Variants in DUSP7 observed in about 807,000 individuals in gnomAD.
DUSP7 encodes dual specificity phosphatase 7.
A neutral mutation model predicts 29.8 loss-of-function variants in DUSP7; 7 were observed. The ratio of observed to expected loss-of-function variants is 0.24; its 90% CI spans 0.13 to 0.44. The LOEUF (loss-of-function observed/expected upper bound fraction) is 0.44, where lower values mean the gene tolerates loss of function less well. Among genes scored for constraint, DUSP7 ranks in the 20% least tolerant of loss-of-function variants. The pLI, the probability that DUSP7 is intolerant of heterozygous loss-of-function variation, is 1.00. For missense variants in DUSP7, 400 were observed against 583.7 expected (o/e 0.69, Z 3.24); for synonymous variants, 287 against 275.4 (o/e 1.04, Z -0.42).
chr3:52,055,800 G>A (rs756631542), intron 1 of DUSP7, 50 bp downstream of exon 1: 3 of 1,477,396 alleles, frequency 2.0e-6, no homozygotes, highest in Non-Finnish European at 1.8e-6. Context: ...GGGCGTCAGG[G>A]AGTCGCGGGG....
In DUSP7 at chr3:52,053,895, C is replaced by G. The variant is rs1313940803; in HGVS notation, c.952+45G>C. ...GGGGCGCCACCCAGAGTCCTGCATA[C>G]ACCTTGATGCACCCACACCCCCCTG... On this transcript the variant is annotated intron_variant, in intron 2 of 2. Coordinates refer to ENST00000495880, the MANE Select transcript of DUSP7 (RefSeq NM_001947.4). This position sits in a 1 kb window ranked among gnomAD's most constrained non-coding sequence, Gnocchi z 4.6. The G allele has an allele frequency of 6.2e-7, 1 of 1,609,468 alleles. No individual in the cohort carries two copies. The highest frequency in any genetic ancestry group is 8.5e-7 in the Non-Finnish European group (1 of 1,176,110).
chr3:52,050,634 T>C lies in DUSP7; in HGVS notation c.*181A>G. 2.7e-6 allele frequency: 2 copies of C among 730,918 alleles called. No homozygotes were observed. Among genetic ancestry groups the C allele is most frequent in the Non-Finnish European group, 4.3e-6 (2 of 463,174 alleles). The allele number at this position is 730,918 out of a possible 1,614,324, so 45.3% of individuals were successfully genotyped here. ...CAGCAAGCCCTGCAGTGGGAGACCT[T>C]GCCTGCGGGCCCTGCCCCCAAGGAT... On this transcript the variant is annotated 3_prime_UTR_variant, in exon 3 of 3. Coordinates refer to ENST00000495880, the MANE Select transcript of DUSP7 (RefSeq NM_001947.4). This position sits in a 1 kb window ranked among gnomAD's most constrained non-coding sequence, Gnocchi z 5.0.
In DUSP7 at chr3:52,053,591, C is replaced by A; in HGVS notation, c.952+349G>T. On this transcript the variant is annotated intron_variant, in intron 2 of 2. Coordinates refer to ENST00000495880, the MANE Select transcript of DUSP7 (RefSeq NM_001947.4). This position sits in a 1 kb window ranked among gnomAD's most constrained non-coding sequence, Gnocchi z 4.6. ...ACGTGTGCTGAGGCGTGATGCGGAG[C>A]AAGTGAGACCCGTGGGAGGTCTGTG... is the stretch of plus-strand genomic sequence containing the variant. 1 of 325,064 alleles carries A rather than the reference C, an allele frequency of 3.1e-6. No individual in the cohort carries two copies. Among genetic ancestry groups the A allele is most frequent in the Non-Finnish European group, 5.9e-6 (1 of 170,318 alleles). The allele number at this position is 325,064 out of a possible 1,614,324, so 20.1% of individuals were successfully genotyped here.
chr3:52,054,186 G>A lies in DUSP7; in HGVS notation c.706C>T (p.Pro236Ser), dbSNP rs1325134831. 1 of 1,613,578 alleles carries A rather than the reference G, an allele frequency of 6.2e-7. No homozygotes were observed. The highest frequency in any genetic ancestry group is 8.5e-7 in the Non-Finnish European group (1 of 1,179,676). ...PSSATESDGS[P>S]VPSSQPAFPV... ...AAGGCTGGTTGGCTGGATGGCACAG[G>A]GCTGCCGTCTGACTCGGTGGCACTG... The change falls in exon 2 of 3, where the codon CCT becomes TCT. Residue 236 changes from proline (P) to serine (S), a missense_variant. Around this residue, in one of 4 missense-constraint regions of DUSP7, gnomAD observed 223 missense variants for 360.9 expected, o/e 0.62. Coordinates refer to ENST00000495880, the MANE Select transcript of DUSP7 (RefSeq NM_001947.4). The surrounding 1 kb of genome is among the most constrained non-coding windows in gnomAD (Gnocchi z 4.1).
Position 52,054,046 on chromosome 3 carries a change from G to T in DUSP7, c.846C>A (p.Pro282=). The change falls in exon 2 of 3, where the codon CCC becomes CCA. Residue 282 remains proline (P), a synonymous_variant. Coordinates refer to ENST00000495880, the MANE Select transcript of DUSP7 (RefSeq NM_001947.4). This position sits in a 1 kb window ranked among gnomAD's most constrained non-coding sequence, Gnocchi z 4.1. Reference sequence around the variant, plus strand: ...ACTCGCCGCCGTGCTCGAAGGCGTTGGGTAGGTTGGGTGTGACATTGAGGA... The same window carrying T: ...ACTCGCCGCCGTGCTCGAAGGCGTTTGGTAGGTTGGGTGTGACATTGAGGA... ...KYILNVTPNL[P]NAFEHGGEFT... 2 of 1,614,222 alleles carry T rather than the reference G, an allele frequency of 1.2e-6. No individual in the cohort carries two copies. Among genetic ancestry groups the T allele is most frequent in the East Asian group, 4.5e-5 (2 of 44,882 alleles).
At position 52,053,391 on chromosome 3, in the gene DUSP7, C is replaced by A; in HGVS notation, c.952+549G>T. On this transcript the variant is annotated intron_variant, in intron 2 of 2. Coordinates refer to ENST00000495880, the MANE Select transcript of DUSP7 (RefSeq NM_001947.4). The surrounding 1 kb of genome is among the most constrained non-coding windows in gnomAD (Gnocchi z 4.6). Reference sequence around the variant, plus strand: ...CTTCTCTTGCACTCCTCCCTACACTCCAAGCAAGCCCTACAGGCTGCAGAG... The same window carrying A: ...CTTCTCTTGCACTCCTCCCTACACTACAAGCAAGCCCTACAGGCTGCAGAG... The A allele has an allele frequency of 5.7e-6, 1 of 176,132 alleles. No individual in the cohort carries two copies. Among genetic ancestry groups the A allele is most frequent in the Non-Finnish European group, 1.2e-5 (1 of 80,780 alleles). The allele number at this position is 176,132 out of a possible 1,614,324, so 10.9% of individuals were successfully genotyped here.
Position 52,055,863 on chromosome 3 carries a change from G to C in DUSP7, c.504C>G (p.Ala168=), listed in dbSNP as rs775591864. 1.2e-4 allele frequency: 186 copies of C among 1,569,372 alleles called. 1 individual carries two copies. The highest frequency in any genetic ancestry group is 1.2e-4 in the Non-Finnish European group (135 of 1,158,644). The part of the protein sequence containing the change: ...LQKLRDDGCQ[A]YYLQGGFNKF... ...TGCCGCCCTCACCTTGGAGGTAGTA[G>C]GCCTGGCAGCCGTCGTCGCGCAGCT... is the stretch of plus-strand genomic sequence containing the variant. Residue 168 remains alanine, a synonymous_variant, in exon 1 of 3, where the codon GCC becomes GCG. Transcript: ENST00000495880.
rs1216470957 is a variant in DUSP7, at chr3:52,054,966, G to GC, written c.518-593dup. On this transcript the variant is annotated intron_variant, in intron 1 of 2. Transcript: ENST00000495880. This position sits in a 1 kb window ranked among gnomAD's most constrained non-coding sequence, Gnocchi z 4.1. Reference sequence around the variant, plus strand: ...TGGCTGGCCCCTTCCCCCAGCAGGGGCAGGTTTTTGAAGGGGGTCCTGGCT... The same window carrying GC: ...TGGCTGGCCCCTTCCCCCAGCAGGGGCCAGGTTTTTGAAGGGGGTCCTGGCT... 6.6e-6 allele frequency among the ~76,000 whole-genome samples: 1 copy of GC among 152,202 alleles called. No individual in the cohort carries two copies. Among genetic ancestry groups the GC allele is most frequent in the African/African-American group, 2.4e-5 (1 of 41,440 alleles).
In DUSP7 at chr3:52,054,348, A is replaced by C; in HGVS notation, c.544T>G (p.Tyr182Asp). ...ACGTTGGTCTCGCAGTGCTCAGAGT[A>C]CTCTGTTTGAAACTTGTTGAAACCA... ...QGGFNKFQTE[Y>D]SEHCETNVDS... is the part of the protein sequence containing the mutation. The change falls in exon 2 of 3, where the codon TAC (tyrosine) becomes GAC (aspartate). Residue 182 changes from tyrosine (Y) to aspartate (D), a missense_variant. Transcript: ENST00000495880. The surrounding 1 kb of genome is among the most constrained non-coding windows in gnomAD (Gnocchi z 4.1). 1 of 1,535,922 alleles carries C rather than the reference A, an allele frequency of 6.5e-7. No homozygotes were observed. Among genetic ancestry groups the C allele is most frequent in the Non-Finnish European group, 8.8e-7 (1 of 1,141,462 alleles).
rs1043177903 is a variant in DUSP7 at position 52,053,079 on chromosome 3, C to T, written c.952+861G>A. On this transcript the variant is annotated intron_variant, in intron 2 of 2. Transcript: ENST00000495880. The surrounding 1 kb of genome is among the most constrained non-coding windows in gnomAD (Gnocchi z 4.6). ...GCCCTCCACTGGACACAGCCACCAT[C>T]GGGAAAAGACAGCCCGGGCCACCCC... 4.6e-5 allele frequency: 7 copies of T among 152,392 alleles called. No individual in the cohort carries two copies. The highest frequency in any genetic ancestry group is 8.8e-5 in the Non-Finnish European group (6 of 68,170). 9.4% of individuals were successfully genotyped at this position (152,392 alleles called of 1,614,324 possible).
chr3:52,055,251 C>T (rs1364076179), intron 1 of DUSP7, among the ~76,000 whole-genome samples: 1 of 151,628 alleles, frequency 6.6e-6, no homozygotes, highest in African/African-American at 2.4e-5. Flanking sequence ...CTCCCTTCTG[C>T]AAGCTCCGGG....
At position 52,051,110 on chromosome 3, in the gene DUSP7, G is replaced by C. The variant is rs775974713; in HGVS notation, c.965C>G (p.Ser322Cys). ...EAISFIDEAR[S>C]KKCGVLVHCL... Reference sequence around the variant, plus strand: ...GTGCACCAGGACACCACACTTCTTGGAGCGGGCTTCGTCTGAAACACATTG... The same window carrying C: ...GTGCACCAGGACACCACACTTCTTGCAGCGGGCTTCGTCTGAAACACATTG... The change falls in exon 3 of 3, where the codon TCC becomes TGC. Residue 322 changes from serine to cysteine, a missense_variant. Physicochemically the swap from Ser to Cys is moderately radical, Grantham distance 112 (BLOSUM62 -1). Transcript: ENST00000495880. This position sits in a 1 kb window ranked among gnomAD's most constrained non-coding sequence, Gnocchi z 4.8. The C allele has an allele frequency of 1.9e-6, 3 of 1,608,558 alleles. No individual in the cohort carries two copies. The highest frequency in any genetic ancestry group is 2.5e-6 in the Non-Finnish European group (3 of 1,177,656).
intron 1 of DUSP7, among the ~76,000 whole-genome samples, chr3:52,055,201 G>A (rs1701887977): frequency 8.5e-6 from 1 of 117,522 alleles, no homozygotes; most frequent in Non-Finnish European, 1.6e-5. Context: ...AATGTTAATT[G>A]GAAACACCGG....
In DUSP7 at chr3:52,054,206, G is replaced by A. The variant is rs370505082; in HGVS notation, c.686C>T (p.Ala229Val). The change falls in exon 2 of 3, where the codon GCC becomes GTC. Residue 229 changes from alanine (A) to valine (V), a missense_variant. Ala to Val is a moderately conservative substitution (Grantham distance 64). This residue lies in a region of DUSP7 where 223 missense variants were observed against 360.9 expected (regional missense o/e 0.62). Coordinates refer to ENST00000495880, the MANE Select transcript of DUSP7 (RefSeq NM_001947.4). This position sits in a 1 kb window ranked among gnomAD's most constrained non-coding sequence, Gnocchi z 4.1. ...GESDRELPSS[A>V]TESDGSPVPS... is the part of the protein sequence containing the mutation. Reference sequence around the variant, plus strand: ...CACAGGGCTGCCGTCTGACTCGGTGGCACTGCTGGGCAGCTCTCGGTCCGA... The same window carrying A: ...CACAGGGCTGCCGTCTGACTCGGTGACACTGCTGGGCAGCTCTCGGTCCGA... The A allele has an allele frequency of 1.2e-6, 2 of 1,612,200 alleles. No individual in the cohort carries two copies. The highest frequency in any genetic ancestry group is 1.7e-6 in the Non-Finnish European group (2 of 1,178,678).
Position 52,051,723 on chromosome 3 carries a change from G to A in DUSP7, c.953-601C>T, listed in dbSNP as rs1701849426. 1 of 152,480 alleles carries A rather than the reference G, an allele frequency of 6.6e-6. No individual in the cohort carries two copies. The allele number at this position is 152,480 out of a possible 1,614,324, so 9.4% of individuals were successfully genotyped here. ...ATGGGTTGTCCCTGAGAGTCTTCTA[G>A]GAAAGTGGCCTGAGGGAGGCTCCTC... On this transcript the variant is annotated intron_variant, in intron 2 of 2. Coordinates refer to ENST00000495880, the MANE Select transcript of DUSP7 (RefSeq NM_001947.4). The surrounding 1 kb of genome is among the most constrained non-coding windows in gnomAD (Gnocchi z 4.8).
Position 52,056,097 on chromosome 3 carries a change from C to A in DUSP7, c.270G>T (p.Thr90=). ...HELFESSHIE[T]AINLAIPGLM... Reference sequence around the variant, plus strand: ...GGCCCGGGATGGCCAGGTTGATGGCCGTCTCGATGTGCGACGACTCGAAGA... The same window carrying A: ...GGCCCGGGATGGCCAGGTTGATGGCAGTCTCGATGTGCGACGACTCGAAGA... The change falls in exon 1 of 3, where the codon ACG becomes ACT. Residue 90 remains threonine, a synonymous_variant. Transcript: ENST00000495880. The surrounding 1 kb of genome is among the most constrained non-coding windows in gnomAD (Gnocchi z 6.4). 1 of 1,608,214 alleles carries A rather than the reference C, an allele frequency of 6.2e-7. No individual in the cohort carries two copies. Among genetic ancestry groups the A allele is most frequent in the Non-Finnish European group, 8.5e-7 (1 of 1,178,650 alleles).
Position 52,053,712 on chromosome 3 carries a change from G to T in DUSP7, c.952+228C>A. 2 of 576,568 alleles carry T rather than the reference G, an allele frequency of 3.5e-6. No individual in the cohort carries two copies. The highest frequency in any genetic ancestry group is 6.2e-6 in the Non-Finnish European group (2 of 322,346). The allele number at this position is 576,568 out of a possible 1,614,324, so 35.7% of individuals were successfully genotyped here. A position where few individuals can be genotyped will look rare whatever the true frequency, so the allele number is the denominator to read the frequency against. On this transcript the variant is annotated intron_variant, in intron 2 of 2. Coordinates refer to ENST00000495880, the MANE Select transcript of DUSP7 (RefSeq NM_001947.4). This position sits in a 1 kb window ranked among gnomAD's most constrained non-coding sequence, Gnocchi z 4.6. ...GAGCCCATGACGTGCTGTCAGCTAG[G>T]GGGAGCTCAGGACTCAGGAGACTGC... is the stretch of plus-strand genomic sequence containing the variant.
chr3:52,053,799 C>T lies in DUSP7; in HGVS notation c.952+141G>A, dbSNP rs1701869678. On this transcript the variant is annotated intron_variant, in intron 2 of 2. Transcript: ENST00000495880. This position sits in a 1 kb window ranked among gnomAD's most constrained non-coding sequence, Gnocchi z 4.6. ...GTGACTCACAGTAGGCCTGGGTACA[C>T]CCACGGGCACACGCTGGCACACGTA... 1 of 941,384 alleles carries T rather than the reference C, an allele frequency of 1.1e-6. No individual in the cohort carries two copies. Among genetic ancestry groups the T allele is most frequent in the Admixed American group, 2.2e-5 (1 of 44,606 alleles). The allele number at this position is 941,384 out of a possible 1,614,324, so 58.3% of individuals were successfully genotyped here. A position where few individuals can be genotyped will look rare whatever the true frequency, so the allele number is the denominator to read the frequency against.
Position 52,051,112 on chromosome 3 carries a change from G to C in DUSP7, c.963C>G (p.Arg321=), listed in dbSNP as rs763511835. 6.2e-7 allele frequency: 1 copy of C among 1,607,874 alleles called. No individual in the cohort carries two copies. Among genetic ancestry groups the C allele is most frequent in the South Asian group, 1.1e-5 (1 of 91,064 alleles). The change falls in exon 3 of 3, where the codon CGC becomes CGG. Residue 321 remains arginine, a synonymous_variant. Coordinates refer to ENST00000495880, the MANE Select transcript of DUSP7 (RefSeq NM_001947.4). The surrounding 1 kb of genome is among the most constrained non-coding windows in gnomAD (Gnocchi z 4.8). The part of the protein sequence containing the change: ...PEAISFIDEA[R]SKKCGVLVHC... ...GCACCAGGACACCACACTTCTTGGA[G>C]CGGGCTTCGTCTGAAACACATTGGC...
Sources: gnomAD v4.1 joint callset for allele counts (sites outside exome capture counted in the v4.1 genomes callset) on GRCh38, gnomAD v4.1.1 for gene constraint, gnomAD v4.1.1 regional missense constraint, Gnocchi (gnomAD v3.1) non-coding constraint, MANE v1.5 for transcripts, NCBI Gene and HGNC (gene_info 2026-07-23, HGNC 2026-07-21) for gene names.